PCCA: variants seen among roughly 807,000 people sequenced by gnomAD.
PCCA encodes the protein propionyl-CoA carboxylase alpha chain, mitochondrial.
In PCCA, 74 loss-of-function variants were observed where a neutral mutation model predicts 101.3. That is an observed-to-expected ratio of 0.73 (90% CI 0.61 to 0.89). The LOEUF (loss-of-function observed/expected upper bound fraction) is 0.89, where lower values mean the gene tolerates loss of function less well. PCCA is among the 40% of genes least tolerant of loss of function. PCCA has a pLI of 0.00. For synonymous variants in PCCA, 294 were observed against 313.6 expected (o/e 0.94, Z 0.66); for missense variants, 891 against 907.0 (o/e 0.98, Z 0.23).
chr13:100,516,762 A>AGTGTGTGTGTGTGTGTGTG (rs1382893777), intron 22 of PCCA, among the ~76,000 whole-genome samples: 65 of 109,226 alleles, frequency 6.0e-4, no homozygotes, highest in Non-Finnish European at 7.9e-4. Context: ...TGTGTGTGTA[A>AGTGTGTGTGTGTGTGTGTG]TGTGTGTAAA....
intron 19 of PCCA, among the ~76,000 whole-genome samples, chr13:100,423,431 T>A (rs1213019353): frequency 6.6e-6 from 1 of 152,220 alleles, no homozygotes; most frequent in East Asian, 1.9e-4. Flanking sequence ...CTGTACCTCT[T>A]ATTCGGGATT....
chr13:100,356,714 T>C (rs1203738385), intron 18 of PCCA, among the ~76,000 whole-genome samples: 2 of 152,192 alleles, frequency 1.3e-5, no homozygotes, highest in Admixed American at 1.3e-4. Flanking sequence ...CACTTCCTGG[T>C]ATATACCCAA....
chr13:100,526,212 A>G (rs3783183), intron 22 of PCCA, among the ~76,000 whole-genome samples: 55,042 of 152,098 alleles, frequency 0.36, 10,670 homozygotes, highest in Middle Eastern at 0.46. Flanking sequence ...GGGCCTCTGC[A>G]TTGTCTCTGC....
At chr13:100,192,184 C>A (rs1019663078) in intron 6 of PCCA, among the ~76,000 whole-genome samples, 5 of 152,158 alleles carry the variant, frequency 3.3e-5, no homozygotes, top group African/African-American at 4.8e-5. Context: ...GTAGAGTTGG[C>A]TAACAAAGTT....
intron 6 of PCCA, among the ~76,000 whole-genome samples, chr13:100,208,382 G>A (rs1012425974): frequency 2.0e-5 from 3 of 152,114 alleles, no homozygotes; most frequent in African/African-American, 7.2e-5. Flanking sequence ...ATGTAAAAGT[G>A]ATATACAAAT....
intron 21 of PCCA, among the ~76,000 whole-genome samples, chr13:100,459,441 C>A (rs2082028040): frequency 6.6e-6 from 1 of 152,294 alleles, no homozygotes; most frequent in East Asian, 1.9e-4. Context: ...TGAGTACTAC[C>A]ATTTATTTCC....
intron 21 of PCCA, among the ~76,000 whole-genome samples, chr13:100,489,465 C>T (rs1364845268): frequency 3.3e-5 from 5 of 152,204 alleles, no homozygotes; most frequent in African/African-American, 1.2e-4. Flanking sequence ...AGTTTGCCCA[C>T]CTCTGACCTA....
chr13:100,301,187 CT>C, intron 12 of PCCA, among the ~76,000 whole-genome samples: 1 of 152,280 alleles, frequency 6.6e-6, no homozygotes, highest in South Asian at 2.1e-4. Flanking sequence ...AATTAAAATT[CT>C]TAAATATTGT....
intron 15 of PCCA, among the ~76,000 whole-genome samples, chr13:100,308,167 A>G (rs955852823): frequency 6.6e-6 from 1 of 151,880 alleles, no homozygotes; most frequent in Admixed American, 6.6e-5. Context: ...TGTGGATTTT[A>G]TTTTGAAAAT....
intron 19 of PCCA, among the ~76,000 whole-genome samples, chr13:100,423,199 A>G (rs1009721159): frequency 6.6e-6 from 1 of 152,098 alleles, no homozygotes; most frequent in Non-Finnish European, 1.5e-5. Context: ...GTCGGAGTCT[A>G]TCACGAAATG....
chr13:100,285,140 C>T (rs2064495829), intron 12 of PCCA, among the ~76,000 whole-genome samples: 1 of 152,304 alleles, frequency 6.6e-6, no homozygotes, highest in Admixed American at 6.5e-5. Context: ...TGCCCTCAGA[C>T]ATTAAAACAG....
At chr13:100,368,667 G>T in intron 19 of PCCA, 93 bp downstream of exon 19, 1 of 793,424 alleles carries the variant, frequency 1.3e-6, no homozygotes, top group East Asian at 2.6e-5. Flanking sequence ...CTCGTCTTTT[G>T]AATTTGTAGT....
At chr13:100,288,568 A>T (rs995527130) in intron 12 of PCCA, among the ~76,000 whole-genome samples, 7 of 152,212 alleles carry the variant, frequency 4.6e-5, no homozygotes, top group African/African-American at 1.7e-4. Context: ...GCCCCGTGCC[A>T]GGGCACCCGG....
intron 18 of PCCA, among the ~76,000 whole-genome samples, chr13:100,364,093 TTTTG>T (rs764491093): frequency 6.6e-6 from 1 of 152,166 alleles, no homozygotes; most frequent in East Asian, 1.9e-4. Context: ...GGTTTTTGGT[TTTTG>T]TTTGTTTGTT....
chr13:100,198,560 C>G (rs556185506), intron 6 of PCCA: 1 of 152,180 alleles, frequency 6.6e-6, no homozygotes, highest in East Asian at 1.9e-4. Context: ...AATGCAATGG[C>G]ATGATCTTGG....
chr13:100,450,567 ACT>A (rs530662381), intron 21 of PCCA, among the ~76,000 whole-genome samples: 7 of 152,098 alleles, frequency 4.6e-5, no homozygotes, highest in Non-Finnish European at 1.0e-4. Context: ...ATTTCAGATA[ACT>A]CTGGAGTTTA....
At position 100,268,707 on chromosome 13, in the gene PCCA, G is replaced by A; in HGVS notation, c.838G>A (p.Gly280Arg). Residue 280 changes from glycine (G) to arginine (R), a missense_variant, in exon 11 of 24, where the codon GGG becomes AGG. Gly to Arg is a moderately radical substitution (Grantham distance 125). Coordinates refer to ENST00000376285, the MANE Select transcript of PCCA (RefSeq NM_000282.4). ...CTTTCAGGTTCTAGGTGATAAACATGGGAATGCTTTATGGCTTAATGAAAG... is the reference window on the plus strand; with the variant it reads ...CTTTCAGGTTCTAGGTGATAAACATAGGAATGCTTTATGGCTTAATGAAAG... ...IEIQVLGDKH[G>R]NALWLNEREC... is the part of the protein sequence containing the mutation. The A allele has an allele frequency of 1.2e-6, 2 of 1,613,396 alleles. No individual in the cohort carries two copies. Among genetic ancestry groups the A allele is most frequent in the Non-Finnish European group, 1.7e-6 (2 of 1,179,322 alleles).
intron 6 of PCCA, chr13:100,161,694 A>G (rs1293903806): frequency 6.6e-6 from 1 of 151,968 alleles, no homozygotes; most frequent in East Asian, 1.9e-4. Context: ...AATAGGAGAG[A>G]CTTAGACCTT....
chr13:100,197,911 T>TA (rs1054613966), intron 6 of PCCA, among the ~76,000 whole-genome samples: 1 of 151,924 alleles, frequency 6.6e-6, no homozygotes, highest in South Asian at 2.1e-4. Context: ...GTTTTCCAAT[T>TA]AAAAAAAATA....
Sources: gnomAD v4.1 joint callset for allele counts (sites outside exome capture counted in the v4.1 genomes callset) on GRCh38, gnomAD v4.1.1 for gene constraint, MANE v1.5 for transcripts, NCBI Gene and HGNC (gene_info 2026-07-23, HGNC 2026-07-21) for gene names.